PDE4D: variants seen among roughly 807,000 people sequenced by gnomAD.
PDE4D encodes 3',5'-cyclic-AMP phosphodiesterase 4D.
A neutral mutation model predicts 87.4 loss-of-function variants in PDE4D; 24 were observed. That is an observed-to-expected ratio of 0.27 (90% CI 0.20 to 0.39). The LOEUF is 0.39. Ranked by LOEUF, PDE4D falls within the 10% of genes least tolerant of loss-of-function variation. The pLI is 1.00. For synonymous variants in PDE4D, 384 were observed against 383.2 expected, an observed-to-expected ratio of 1.00 and a Z score of -0.02; for missense variants, 714 against 1,041.0, an observed-to-expected ratio of 0.69 and a Z score of 4.32.
At chr5:59,543,505 T>C (rs1816718881) in intron 1 of PDE4D, among the ~76,000 whole-genome samples, 1 of 151,894 alleles carries the variant, frequency 6.6e-6, no homozygotes. Context: ...AAGAACAACT[T>C]TATAGGGGAA....
intron 2 of PDE4D, among the ~76,000 whole-genome samples, chr5:60,180,048 T>C (rs1784255063): frequency 1.3e-5 from 2 of 152,218 alleles, no homozygotes; most frequent in African/African-American, 2.4e-5. Context: ...TTCTTGGACG[T>C]AATCATTTGT....
At chr5:59,417,718 C>T (rs879580404) in intron 1 of PDE4D, among the ~76,000 whole-genome samples, 6 of 152,130 alleles carry the variant, frequency 3.9e-5, no homozygotes, top group Non-Finnish European at 5.9e-5. Flanking sequence ...GTTCTATCCA[C>T]AGCCAACAAA....
intron 1 of PDE4D, among the ~76,000 whole-genome samples, chr5:60,366,563 C>T (rs1000519368): frequency 7.2e-5 from 11 of 152,168 alleles, no homozygotes; most frequent in African/African-American, 2.7e-4. Context: ...TCAGGGTAGC[C>T]ATGATGTCAA....
intron 1 of PDE4D, among the ~76,000 whole-genome samples, chr5:60,246,081 C>T (rs1747740285): frequency 6.6e-6 from 1 of 151,440 alleles, no homozygotes; most frequent in Admixed American, 6.6e-5. Flanking sequence ...ACTATGTAGC[C>T]AAAAAAATTA....
intron 6 of PDE4D, among the ~76,000 whole-genome samples, chr5:59,011,798 A>G (rs1463893251): frequency 6.6e-6 from 1 of 152,224 alleles, no homozygotes; most frequent in Admixed American, 6.5e-5. Flanking sequence ...CCAGAAATAC[A>G]GAGAATGCCA....
chr5:59,605,249 T>C (rs1828033025), intron 1 of PDE4D, among the ~76,000 whole-genome samples: 1 of 152,152 alleles, frequency 6.6e-6, no homozygotes, highest in African/African-American at 2.4e-5. Context: ...ATTCAATAAT[T>C]GGCAATGCAA....
At position 59,981,252 on chromosome 5, in the gene PDE4D, AAAAAC is replaced by A. The variant is rs377539452; in HGVS notation, c.272+7231_272+7235del. 3.9e-5 allele frequency among the ~76,000 whole-genome samples: 6 copies of A among 152,236 alleles called. No homozygotes were observed. In the South Asian group the frequency reaches 6.2e-4, roughly 16 times the overall value. On this transcript the variant is annotated intron_variant, in intron 3 of 16. Transcript: ENST00000502484. The stretch of plus-strand genomic sequence containing the variant: ...GGGTGACACAGCAAGACTCCGTTTC[AAAAAC>A]AAAACAAAACAAAACAAAACAAAAA...
In PDE4D at chr5:58,993,423, T is replaced by C. The variant is rs1193514797; in HGVS notation, c.964A>G (p.Met322Val). ...LNRELTHLSE[M>V]SRSGNQVSEF... The stretch of plus-strand genomic sequence containing the variant: ...GACACTTGATTTCCAGACCGACTCA[T>C]TTCAGAGAGATGGGTGAGCTCCCGA... Residue 322 changes from methionine (M) to valine (V), a missense_variant, in exon 7 of 15, where the codon ATG becomes GTG. By Grantham distance (21) the Met-to-Val change is conservative. Around this residue, in one of 7 missense-constraint regions of PDE4D, gnomAD observed 90 missense variants for 177.6 expected, o/e 0.51. Coordinates refer to ENST00000340635, the MANE Select transcript of PDE4D (RefSeq NM_001104631.2). The C allele has an allele frequency of 1.9e-6, 3 of 1,602,226 alleles. No homozygotes were observed. The highest frequency in any genetic ancestry group is 2.6e-6 in the Non-Finnish European group (3 of 1,175,176).
At chr5:59,872,493 A>G (rs1747973123) in intron 1 of PDE4D, among the ~76,000 whole-genome samples, 1 of 152,230 alleles carries the variant, frequency 6.6e-6, no homozygotes, top group Non-Finnish European at 1.5e-5. Flanking sequence ...AAAATTTACT[A>G]TCTTAACAAT....
intron 3 of PDE4D, among the ~76,000 whole-genome samples, chr5:59,978,375 G>C (rs1202300951): frequency 1.3e-5 from 2 of 152,168 alleles, no homozygotes; most frequent in African/African-American, 4.8e-5. Flanking sequence ...CCTCATGGAT[G>C]ACTCTGAGGG....
rs181157680 is a variant in PDE4D, at chr5:60,012,539, G to A, written c.43-23822C>T. Among the ~76,000 whole-genome samples the A allele has an allele frequency of 1.8e-3, 280 of 152,208 alleles. 2 individuals carry two copies. Among genetic ancestry groups the A allele is most frequent in the Non-Finnish European group, 2.5e-3 (172 of 68,010 alleles). ...TCTGCAACTGAGACATAGGAGTACC[G>A]GCAATTCCGATTTCCCTCTGGGTAG... On this transcript the variant is annotated intron_variant, in intron 2 of 16. Coordinates refer to the PDE4D transcript ENST00000502484.
chr5:59,821,882 G>A (rs935217456), intron 1 of PDE4D, among the ~76,000 whole-genome samples: 2 of 152,116 alleles, frequency 1.3e-5, no homozygotes, highest in African/African-American at 4.8e-5. Flanking sequence ...ACCAGCTAAC[G>A]CCCTAACACC....
At chr5:59,284,789 A>G (rs1185578024) in intron 1 of PDE4D, among the ~76,000 whole-genome samples, 1 of 69,650 alleles carries the variant, frequency 1.4e-5, no homozygotes, top group Non-Finnish European at 2.9e-5. Flanking sequence ...ATTATTCACA[A>G]TAGCAAAGAC....
intron 1 of PDE4D, among the ~76,000 whole-genome samples, chr5:59,705,177 T>C (rs1027996590): frequency 6.6e-6 from 1 of 152,150 alleles, no homozygotes; most frequent in African/African-American, 2.4e-5. Context: ...GGCAAGAATA[T>C]AGTAAATGAA....
rs116410445 is a variant in PDE4D at position 59,426,575 on chromosome 5, C to T, written c.456-210607G>A. ...GCAGCAAGGGAAGGACCCTCACCAG[C>T]ACTCCCACAAGCACCCCCCTACCAC... On this transcript the variant is annotated intron_variant, in intron 1 of 14. Transcript: ENST00000340635. 8.5e-3 allele frequency among the ~76,000 whole-genome samples: 1,285 copies of T among 151,976 alleles called. 20 individuals carry two copies. Among genetic ancestry groups the T allele is most frequent in the African/African-American group, 0.029 (1,224 of 41,522 alleles).
At chr5:59,167,942 T>A (rs1472893794) in intron 5 of PDE4D, among the ~76,000 whole-genome samples, 5 of 152,018 alleles carry the variant, frequency 3.3e-5, no homozygotes, top group African/African-American at 9.7e-5. Context: ...CAGTTCTGTG[T>A]TCAATATGCA....
At chr5:60,426,353 A>G (rs1354344986) in intron 1 of PDE4D, among the ~76,000 whole-genome samples, 1 of 152,248 alleles carries the variant, frequency 6.6e-6, no homozygotes, top group Non-Finnish European at 1.5e-5. Flanking sequence ...TGTAGCCATG[A>G]AAAAGGATGA....
In PDE4D at chr5:60,160,363, T is replaced by C. The variant is rs114553786; in HGVS notation, c.42+25194A>G. ...GTGATTTTCATGGGTCAATTCTATA[T>C]TGAATTTAGTCTTTTCCCTATTTTG... is the stretch of plus-strand genomic sequence containing the variant. On this transcript the variant is annotated intron_variant, in intron 2 of 16. Coordinates refer to the PDE4D transcript ENST00000502484. 7.4e-3 allele frequency among the ~76,000 whole-genome samples: 1,126 copies of C among 152,274 alleles called. 9 individuals carry two copies. Among genetic ancestry groups the C allele is most frequent in the Non-Finnish European group, 0.011 (749 of 68,014 alleles).
At chr5:59,220,210 A>C (rs1052753897) in intron 1 of PDE4D, among the ~76,000 whole-genome samples, 1 of 149,750 alleles carries the variant, frequency 6.7e-6, no homozygotes, top group African/African-American at 2.5e-5. Context: ...TTTTGCAACA[A>C]ATAAAAGGTA....
Sources: allele counts gnomAD v4.1 joint callset (sites outside exome capture counted in the v4.1 genomes callset), GRCh38; gene constraint gnomAD v4.1.1; regional missense constraint gnomAD v4.1.1; transcripts MANE v1.5; gene names NCBI Gene and HGNC (gene_info 2026-07-23, HGNC 2026-07-21).